The following PLCH1 variants were observed in gnomAD, a reference collection of about 807,000 sequenced individuals.
PLCH1 encodes the protein 1-phosphatidylinositol 4,5-bisphosphate phosphodiesterase eta-1.
A neutral mutation model predicts 126.7 loss-of-function variants in PLCH1; 60 were observed. The observed-to-expected ratio is 0.47, with a 90% CI of 0.38 to 0.59. The LOEUF is 0.59. PLCH1 is among the 20% of genes least tolerant of loss of function. The pLI is 0.00. For synonymous variants in PLCH1, 719 were observed against 734.9 expected (o/e 0.98, Z 0.35); for missense variants, 1,723 against 2,040.0 (o/e 0.84, Z 2.99).
chr3:155,531,733 C>T (rs77275092), intron 10 of PLCH1, among the ~76,000 whole-genome samples: 5,009 of 152,310 alleles, frequency 0.033, 300 homozygotes, highest in African/African-American at 0.11. Context: ...TGCTGCTTCA[C>T]CTTGCACTTT....
At chr3:155,675,125 A>T (rs541042106) in intron 2 of PLCH1, among the ~76,000 whole-genome samples, 12 of 152,220 alleles carry the variant, frequency 7.9e-5, no homozygotes, top group Non-Finnish European at 1.8e-4. Context: ...GCAAACATCA[A>T]TGCTGGTACT....
chr3:155,578,571 A>G (rs1276437766), intron 6 of PLCH1, among the ~76,000 whole-genome samples: 1 of 152,216 alleles, frequency 6.6e-6, no homozygotes, highest in Non-Finnish European at 1.5e-5. Flanking sequence ...GGGGTTCATT[A>G]TAAATAATCA....
chr3:155,713,291 CAT>C (rs1354466187), intron 1 of PLCH1, among the ~76,000 whole-genome samples: 1 of 152,110 alleles, frequency 6.6e-6, no homozygotes, highest in Non-Finnish European at 1.5e-5. Flanking sequence ...CTAAATGAAA[CAT>C]TACTTATTCA....
chr3:155,634,378 T>C (rs896219811), intron 2 of PLCH1, among the ~76,000 whole-genome samples: 2 of 152,110 alleles, frequency 1.3e-5, no homozygotes, highest in African/African-American at 4.8e-5. Flanking sequence ...CGCAAGGTAG[T>C]TTTGGGGGAA....
At chr3:155,551,444 G>GAAAAA (rs59794505) in intron 9 of PLCH1, among the ~76,000 whole-genome samples, 1 of 42,054 alleles carries the variant, frequency 2.4e-5, no homozygotes, top group Non-Finnish European at 3.8e-5. Flanking sequence ...GGCTGCCTCA[G>GAAAAA]AAAAAAAAAA....
At chr3:155,693,012 G>C in intron 2 of PLCH1, among the ~76,000 whole-genome samples, 1 of 151,908 alleles carries the variant, frequency 6.6e-6, no homozygotes, top group Admixed American at 6.6e-5. Context: ...TCGATCTCCT[G>C]ACCTCGTGAT....
chr3:155,730,810 G>A (rs1300906186), intron 1 of PLCH1, among the ~76,000 whole-genome samples: 1 of 152,206 alleles, frequency 6.6e-6, no homozygotes, highest in African/African-American at 2.4e-5. Context: ...ACATTACCCA[G>A]GTCACCCATG....
intron 10 of PLCH1, among the ~76,000 whole-genome samples, chr3:155,543,913 A>G (rs1329293602): frequency 4.7e-4 from 72 of 152,008 alleles, no homozygotes; most frequent in Non-Finnish European, 6.5e-4. Context: ...AGGAACAACC[A>G]GTACCAGCCA....
intron 3 of PLCH1, among the ~76,000 whole-genome samples, chr3:155,595,003 T>G (rs1732785084): frequency 6.6e-6 from 1 of 152,132 alleles, no homozygotes; most frequent in South Asian, 2.1e-4. Flanking sequence ...GCTAAGGTGG[T>G]GAAGGCAGAG....
intron 8 of PLCH1, among the ~76,000 whole-genome samples, chr3:155,561,341 C>A (rs1267922833): frequency 9.0e-5 from 13 of 143,940 alleles, no homozygotes; most frequent in Middle Eastern, 3.7e-3. Context: ...TGTCCATGTG[C>A]TCTCATTGTT....
intron 22 of PLCH1, among the ~76,000 whole-genome samples, chr3:155,484,419 G>C (rs984923815): frequency 6.6e-6 from 1 of 152,086 alleles, no homozygotes; most frequent in African/African-American, 2.4e-5. Context: ...AACCACTGAA[G>C]AATATCTTGT....
At chr3:155,521,690 G>A (rs918145248) in intron 11 of PLCH1, among the ~76,000 whole-genome samples, 12 of 152,104 alleles carry the variant, frequency 7.9e-5, no homozygotes, top group Non-Finnish European at 1.8e-4. Context: ...CCAACAATAG[G>A]ACTATAAATG....
chr3:155,475,338 C>T (rs1263948110), downstream of PLCH1, among the ~76,000 whole-genome samples: 1 of 151,860 alleles, frequency 6.6e-6, no homozygotes, highest in Non-Finnish European at 1.5e-5. Context: ...AGAGGGAAGT[C>T]TAGAGCTATA....
At chr3:155,601,555 C>T (rs537343950) in intron 2 of PLCH1, among the ~76,000 whole-genome samples, 62 of 151,890 alleles carry the variant, frequency 4.1e-4, no homozygotes, top group Middle Eastern at 3.4e-3. Flanking sequence ...TATATGATTA[C>T]TATATATCAT....
intron 1 of PLCH1, among the ~76,000 whole-genome samples, chr3:155,708,239 C>G (rs1746832882): frequency 6.6e-6 from 1 of 152,148 alleles, no homozygotes; most frequent in South Asian, 2.1e-4. Flanking sequence ...TCCCTTCGGC[C>G]TTCAGATTTA....
At chr3:155,710,675 A>T (rs1238289055) in intron 1 of PLCH1, among the ~76,000 whole-genome samples, 1 of 152,064 alleles carries the variant, frequency 6.6e-6, no homozygotes, top group African/African-American at 2.4e-5. Flanking sequence ...TCTACTAAAA[A>T]TATAAAAATT....
chr3:155,679,016 A>T (rs1040182236), intron 2 of PLCH1, among the ~76,000 whole-genome samples: 2 of 152,228 alleles, frequency 1.3e-5, no homozygotes, highest in Non-Finnish European at 2.9e-5. Context: ...TTAAAGAAAC[A>T]TCATAAAGTG....
intron 21 of PLCH1, among the ~76,000 whole-genome samples, chr3:155,467,302 G>A (rs1021170168): frequency 3.3e-5 from 5 of 152,010 alleles, no homozygotes; most frequent in South Asian, 2.1e-4. Context: ...GACCAGGTGC[G>A]GTGGCTCACG....
chr3:155,706,032 G>A (rs1746632910), intron 1 of PLCH1, among the ~76,000 whole-genome samples: 1 of 151,346 alleles, frequency 6.6e-6, no homozygotes, highest in African/African-American at 2.4e-5. Context: ...AAATTAGCTG[G>A]GTATGGTGGC....
Sources: allele counts gnomAD v4.1 joint callset (sites outside exome capture counted in the v4.1 genomes callset), GRCh38; gene constraint gnomAD v4.1.1; transcripts MANE v1.5; gene names NCBI Gene and HGNC (gene_info 2026-07-23, HGNC 2026-07-21).